CDC14A: variants seen among roughly 807,000 people sequenced by gnomAD.
CDC14A encodes the protein dual specificity protein phosphatase CDC14A.
Under a neutral mutation model 74.4 loss-of-function variants are expected in CDC14A, and 53 were observed. The observed-to-expected ratio is 0.71, with a 90% CI of 0.57 to 0.89. The LOEUF (loss-of-function observed/expected upper bound fraction) is 0.89, where lower values mean the gene tolerates loss of function less well. Ranked by LOEUF, CDC14A falls within the 40% of genes least tolerant of loss-of-function variation. The pLI, the probability that CDC14A is intolerant of heterozygous loss-of-function variation, is 0.00. For synonymous variants in CDC14A, 247 were observed against 258.4 expected, an observed-to-expected ratio of 0.96 and a Z score of 0.43; for missense variants, 646 against 713.7, an observed-to-expected ratio of 0.91 and a Z score of 1.08.
chr1:100,374,844 A>G (rs934605588), intron 2 of CDC14A, among the ~76,000 whole-genome samples: 2 of 152,216 alleles, frequency 1.3e-5, no homozygotes, highest in Non-Finnish European at 2.9e-5. Flanking sequence ...GGTCTAGACT[A>G]AATTGAACTT....
chr1:100,413,716 A>AT (rs1661171860), intron 4 of CDC14A, among the ~76,000 whole-genome samples: 1 of 152,176 alleles, frequency 6.6e-6, no homozygotes. Flanking sequence ...TTTCTCCTCA[A>AT]TTACTTTCCT....
At chr1:100,372,549 A>C (rs554507277) in intron 2 of CDC14A, among the ~76,000 whole-genome samples, 7 of 152,360 alleles carry the variant, frequency 4.6e-5, no homozygotes, top group African/African-American at 1.7e-4. Context: ...ATTCATGAGC[A>C]AAAGGTGTGA....
chr1:100,382,941 G>C (rs1034089554), intron 3 of CDC14A, among the ~76,000 whole-genome samples: 2 of 152,154 alleles, frequency 1.3e-5, no homozygotes, highest in African/African-American at 4.8e-5. Flanking sequence ...CCACCCTATC[G>C]GGGGTTATAT....
At chr1:100,407,288 G>A (rs1015608373) in intron 4 of CDC14A, among the ~76,000 whole-genome samples, 1 of 151,962 alleles carries the variant, frequency 6.6e-6, no homozygotes, top group Non-Finnish European at 1.5e-5. Flanking sequence ...AAATGACTTC[G>A]GGCAGTATGG....
chr1:100,471,743 A>G (rs1290053970), intron 10 of CDC14A, among the ~76,000 whole-genome samples: 3 of 152,158 alleles, frequency 2.0e-5, no homozygotes, highest in African/African-American at 7.2e-5. Flanking sequence ...AGCAACAGGA[A>G]AAGGTCTTTT....
intron 4 of CDC14A, chr1:100,393,374 C>A: frequency 1.1e-6 from 1 of 883,588 alleles, no homozygotes; most frequent in Non-Finnish European, 1.9e-6. Context: ...CTAACTAGGC[C>A]ATAGAATTGT....
intron 4 of CDC14A, chr1:100,393,189 G>T: frequency 1.3e-6 from 2 of 1,593,494 alleles, no homozygotes; most frequent in Admixed American, 3.3e-5. Flanking sequence ...AGATCCAGCT[G>T]TGAGTTGCAT....
At chr1:100,385,680 TCTC>T (rs1203020553) in intron 3 of CDC14A, among the ~76,000 whole-genome samples, 1 of 152,140 alleles carries the variant, frequency 6.6e-6, no homozygotes, top group East Asian at 1.9e-4. Context: ...GGGCTTATGT[TCTC>T]CTTGTAAAAC....
intron 4 of CDC14A, among the ~76,000 whole-genome samples, chr1:100,414,436 A>C (rs1171497264): frequency 6.6e-6 from 1 of 152,226 alleles, no homozygotes; most frequent in African/African-American, 2.4e-5. Context: ...GAGGATTTAA[A>C]CATCCAGTCC....
chr1:100,365,482 T>G (rs929904475), intron 2 of CDC14A, among the ~76,000 whole-genome samples: 4 of 152,200 alleles, frequency 2.6e-5, no homozygotes, highest in African/African-American at 7.2e-5. Context: ...TGGAAAGAAC[T>G]TTAGGAGCCA....
At chr1:100,422,760 T>C (rs561653729) in intron 4 of CDC14A, among the ~76,000 whole-genome samples, 4 of 152,354 alleles carry the variant, frequency 2.6e-5, no homozygotes, top group African/African-American at 9.6e-5. Flanking sequence ...ATATGGGGTT[T>C]TGTTACTAAA....
intron 11 of CDC14A, among the ~76,000 whole-genome samples, chr1:100,491,540 C>A (rs1378066552): frequency 2.5e-5 from 1 of 40,288 alleles, no homozygotes; most frequent in African/African-American, 8.0e-5. Flanking sequence ...CTCTCTCTCT[C>A]TCTCTCTCTA....
chr1:100,352,387 C>G, upstream of CDC14A: 5 of 823,200 alleles, frequency 6.1e-6, no homozygotes, highest in Non-Finnish European at 7.2e-6. Context: ...GGGATGGCCG[C>G]GGAGTCGTGA....
At chr1:100,467,119 T>A (rs7525243) in intron 9 of CDC14A, among the ~76,000 whole-genome samples, 8,903 of 152,148 alleles carry the variant, frequency 0.059, 886 homozygotes, top group African/African-American at 0.2. Flanking sequence ...TTTAAAGACA[T>A]ACATTTTTCA....
At chr1:100,362,448 T>C (rs1652880644) in intron 2 of CDC14A, among the ~76,000 whole-genome samples, 1 of 152,226 alleles carries the variant, frequency 6.6e-6, no homozygotes, top group South Asian at 2.1e-4. Context: ...ATGAGCATTG[T>C]AAACCAATGC....
At position 100,485,600 on chromosome 1, in the gene CDC14A, A is replaced by G. The variant is rs188916397; in HGVS notation, c.1137+1149A>G. ...AGAAAAAAAGAGAAAGAAAGAATAT[A>G]GAAGCAACAAGTGTAGATTTACATT... On this transcript the variant is annotated intron_variant, in intron 11 of 15. Coordinates refer to ENST00000336454, the MANE Select transcript of CDC14A (RefSeq NM_003672.4). Among the ~76,000 whole-genome samples the G allele has an allele frequency of 1.1e-4, 17 of 152,260 alleles. No homozygotes were observed. The East Asian group carries it at 3.3e-3, about 29-fold the overall frequency.
intron 11 of CDC14A, among the ~76,000 whole-genome samples, chr1:100,491,561 TA>T (rs1670656124): frequency 2.4e-4 from 20 of 82,632 alleles, no homozygotes; most frequent in African/African-American, 1.0e-3. Context: ...TATATATATA[TA>T]TATATATATA....
At chr1:100,458,074 A>T (rs1448212442) in intron 8 of CDC14A, among the ~76,000 whole-genome samples, 2 of 152,218 alleles carry the variant, frequency 1.3e-5, no homozygotes, top group African/African-American at 4.8e-5. Context: ...CTTACCTGCC[A>T]GGAAGGGTGC....
rs184214851 is a variant in CDC14A at position 100,360,971 on chromosome 1, G to A, written c.140+7119G>A. 5.1e-3 allele frequency among the ~76,000 whole-genome samples: 780 copies of A among 152,032 alleles called. 7 individuals carry two copies. Among genetic ancestry groups the A allele is most frequent in the African/African-American group, 0.018 (745 of 41,446 alleles). On this transcript the variant is annotated intron_variant, in intron 2 of 15. Coordinates refer to ENST00000336454, the MANE Select transcript of CDC14A (RefSeq NM_003672.4). ...TTTCTGTGCCAGGTCACCACAGGGC[G>A]GCTTCATTATTTTGTTTGAAGTAGA...
Sources: gnomAD v4.1 joint callset for allele counts (sites outside exome capture counted in the v4.1 genomes callset) on GRCh38, gnomAD v4.1.1 for gene constraint, MANE v1.5 for transcripts, NCBI Gene and HGNC (gene_info 2026-07-23, HGNC 2026-07-21) for gene names.